TENM2: variants seen among roughly 807,000 people sequenced by gnomAD.
The protein encoded by TENM2 is teneurin transmembrane protein 2, also known as teneurin-2.
TENM2 carries 52 observed loss-of-function variants against 245.2 expected under a neutral mutation model. The ratio of observed to expected loss-of-function variants is 0.21; its 90% CI spans 0.17 to 0.27. The LOEUF is 0.27. Among genes scored for constraint, TENM2 ranks in the 10% least tolerant of loss-of-function variants. The pLI is 1.00. For synonymous variants in TENM2, 1,363 were observed against 1,438.9 expected (o/e 0.95, Z 1.19); for missense variants, 3,046 against 3,666.8 (o/e 0.83, Z 4.37).
intron 4 of TENM2, among the ~76,000 whole-genome samples, chr5:167,964,633 C>T (rs1781255287): frequency 6.6e-6 from 1 of 152,058 alleles, no homozygotes; most frequent in East Asian, 1.9e-4. Flanking sequence ...GCAGTAAGTG[C>T]CACAGACGGC....
At chr5:167,383,526 C>A (rs769221537) in intron 2 of TENM2, among the ~76,000 whole-genome samples, 1 of 151,968 alleles carries the variant, frequency 6.6e-6, no homozygotes, top group Non-Finnish European at 1.5e-5. Flanking sequence ...GTGGGGAATC[C>A]GCTTTCCTTG....
At chr5:167,598,942 G>A (rs11750548) in intron 2 of TENM2, among the ~76,000 whole-genome samples, 84,064 of 152,004 alleles carry the variant, frequency 0.55, 24,799 homozygotes, top group Middle Eastern at 0.68. Flanking sequence ...TTGAGCAACT[G>A]CGCTCTCCTA....
At chr5:167,945,065 T>C (rs1253447506) in intron 3 of TENM2, among the ~76,000 whole-genome samples, 1 of 152,206 alleles carries the variant, frequency 6.6e-6, no homozygotes, top group Non-Finnish European at 1.5e-5. Flanking sequence ...GGCAGAAATC[T>C]ACTCTGATCC....
intron 2 of TENM2, among the ~76,000 whole-genome samples, chr5:167,767,301 T>A (rs1196622120): frequency 6.6e-6 from 1 of 152,164 alleles, no homozygotes; most frequent in African/African-American, 2.4e-5. Flanking sequence ...AGACATGAAA[T>A]GGCAAATATT....
chr5:167,844,803 G>A (rs1394354295), intron 2 of TENM2, among the ~76,000 whole-genome samples: 3 of 143,716 alleles, frequency 2.1e-5, no homozygotes, highest in Non-Finnish European at 3.0e-5. Context: ...GAGTTTGGGG[G>A]TTTTCAGGTA....
chr5:167,154,178 T>G, the TENM2 span, among the ~76,000 whole-genome samples: 4 of 152,250 alleles, frequency 2.6e-5, no homozygotes, highest in Non-Finnish European at 4.4e-5. Flanking sequence ...TCTGTTCTTG[T>G]GTATATGTAT....
chr5:167,571,910 C>T (rs913188635), intron 2 of TENM2, among the ~76,000 whole-genome samples: 15 of 152,214 alleles, frequency 9.9e-5, no homozygotes, highest in African/African-American at 2.4e-4. Context: ...CCAATACACT[C>T]TGCAAAATGT....
chr5:167,828,132 C>G (rs1384046411), intron 2 of TENM2, among the ~76,000 whole-genome samples: 1 of 152,204 alleles, frequency 6.6e-6, no homozygotes, highest in East Asian at 1.9e-4. Context: ...TCAGGAAAGC[C>G]TTACAGATTA....
chr5:168,230,303 T>C (rs1764735058), intron 25 of TENM2, among the ~76,000 whole-genome samples: 1 of 152,232 alleles, frequency 6.6e-6, no homozygotes, highest in Non-Finnish European at 1.5e-5. Flanking sequence ...ACTATGAGAT[T>C]ATAACAGGTT....
chr5:167,030,247 G>A, the TENM2 span, among the ~76,000 whole-genome samples: 2 of 152,266 alleles, frequency 1.3e-5, no homozygotes, highest in African/African-American at 4.8e-5. Context: ...ACTACAGGCC[G>A]ATTTGATATG....
At chr5:168,222,744 C>G (rs1003127807) in intron 23 of TENM2, among the ~76,000 whole-genome samples, 1 of 152,196 alleles carries the variant, frequency 6.6e-6, no homozygotes, top group African/African-American at 2.4e-5. Flanking sequence ...TCCACTCCCT[C>G]CCTTCTTTAT....
chr5:167,890,194 A>C (rs952849028), intron 3 of TENM2, among the ~76,000 whole-genome samples: 3 of 152,102 alleles, frequency 2.0e-5, no homozygotes, highest in African/African-American at 7.2e-5. Context: ...CCAACTTTCA[A>C]ATATCATGAT....
intron 3 of TENM2, among the ~76,000 whole-genome samples, chr5:167,897,771 T>C (rs80219222): frequency 6.6e-6 from 1 of 152,024 alleles, no homozygotes; most frequent in African/African-American, 2.4e-5. Context: ...TATACAGATA[T>C]ATAGATATAT....
At chr5:167,489,690 G>C (rs750210030) in intron 2 of TENM2, among the ~76,000 whole-genome samples, 13 of 152,030 alleles carry the variant, frequency 8.6e-5, no homozygotes, top group Non-Finnish European at 1.3e-4. Flanking sequence ...TATGCATTTT[G>C]TTCACTGATG....
intron 7 of TENM2, among the ~76,000 whole-genome samples, chr5:168,077,640 A>C (rs1791598600): frequency 6.6e-6 from 1 of 151,978 alleles, no homozygotes; most frequent in Non-Finnish European, 1.5e-5. Context: ...AAGTGTTCTC[A>C]TTGTTCAATT....
At chr5:168,156,258 A>AAAAAAC (rs1162823419) in intron 12 of TENM2, among the ~76,000 whole-genome samples, 1 of 150,666 alleles carries the variant, frequency 6.6e-6, no homozygotes, top group African/African-American at 2.4e-5. Context: ...AAAAAAAAAA[A>AAAAAAC]AAAAAAAACA....
intron 23 of TENM2, 101 bp from the exon 26 acceptor site, chr5:168,225,987 A>C (rs901006129): frequency 4.3e-6 from 5 of 1,158,912 alleles, no homozygotes; most frequent in Middle Eastern, 3.0e-4. Context: ...CAGCCAACCC[A>C]CCTTCCCAGC....
chr5:168,246,884 A>G (rs1324770926), exon 27 of TENM2: 1 of 1,613,872 alleles, frequency 6.2e-7, no homozygotes, highest in African/African-American at 1.3e-5. Context: ...TCCATCGGCT[A>G]CATCCGTAAT....
chr5:167,265,553 T>G, the TENM2 span, among the ~76,000 whole-genome samples: 8 of 152,214 alleles, frequency 5.3e-5, no homozygotes, highest in Admixed American at 4.6e-4. Flanking sequence ...AAAATTTTAT[T>G]CTGAGGGCAT....
Sources: gnomAD v4.1 joint callset for allele counts (sites outside exome capture counted in the v4.1 genomes callset) on GRCh38, gnomAD v4.1.1 for gene constraint, MANE v1.5 for transcripts, NCBI Gene and HGNC (gene_info 2026-07-23, HGNC 2026-07-21) for gene names.